The following AGBL1 variants were observed in gnomAD, a reference collection of about 807,000 sequenced individuals.
AGBL1 encodes AGBL carboxypeptidase 1.
In AGBL1, 130 loss-of-function variants were observed where a neutral mutation model predicts 118.9. That is an observed-to-expected ratio of 1.09 (90% CI 0.95 to 1.26). AGBL1 has a LOEUF of 1.26. AGBL1 is among the 50% of genes most tolerant of loss of function. The pLI is 0.00. For missense variants in AGBL1, 1,584 were observed against 1,298.1 expected, an observed-to-expected ratio of 1.22 and a Z score of -3.38; for synonymous variants, 555 against 478.9, an observed-to-expected ratio of 1.16 and a Z score of -2.08.
At position 86,914,505 on chromosome 15, in the gene AGBL1, C is replaced by A. The variant is rs966531794; in HGVS notation, c.*7211C>A. On this transcript the variant is annotated 3_prime_UTR_variant, in exon 23 of 23. Coordinates refer to ENST00000614907, the MANE Select transcript of AGBL1 (RefSeq NM_001386094.1). ...CTAACTCATGCTCCCTCCACTTCCC[C>A]AGAGGAGGTGAATATGAACCATAAC... 6.6e-6 allele frequency: 1 copy of A among 152,182 alleles called. No homozygotes were observed. The highest frequency in any genetic ancestry group is 2.4e-5 in the African/African-American group (1 of 41,440). The allele number at this position is 152,182 out of a possible 1,614,324, so 9.4% of individuals were successfully genotyped here. A position where few individuals can be genotyped will look rare whatever the true frequency, so the allele number is the denominator to read the frequency against.
At chr15:86,855,883 C>T (rs771543530) in intron 22 of AGBL1, among the ~76,000 whole-genome samples, 18 of 152,158 alleles carry the variant, frequency 1.2e-4, no homozygotes, top group Non-Finnish European at 2.2e-4. Context: ...TTCATCGTGT[C>T]GTCTTCTCTA....
Position 87,028,715 on chromosome 15 carries a change from G to A in AGBL1, c.3324-110G>A, listed in dbSNP as rs1007488823. ...ATGATTGTTTATAATCCATAGATGA[G>A]GAAAATGAATTTCGTATCTCTAAAA... On this transcript the variant is annotated intron_variant, in intron 24 of 24. Transcript: ENST00000441037. 9.7e-6 allele frequency: 9 copies of A among 928,664 alleles called. No individual in the cohort carries two copies. The Admixed American group carries it at 1.2e-4, about 13-fold the overall frequency. 57.5% of individuals were successfully genotyped at this position (928,664 alleles called of 1,614,324 possible).
At chr15:86,395,122 G>A (rs948597599) in intron 17 of AGBL1, among the ~76,000 whole-genome samples, 1 of 152,026 alleles carries the variant, frequency 6.6e-6, no homozygotes, top group African/African-American at 2.4e-5. Flanking sequence ...CTGACTCTAT[G>A]GTTGAGAATG....
rs36127489 is a variant in AGBL1, at chr15:86,410,807, GATATAT to G, written c.2555+13291_2555+13296del. ...AGAGGAAGAGACAAGGTCAAATGTA[GATATAT>G]ATATATATATATATATATATATATA... On this transcript the variant is annotated intron_variant, in intron 18 of 22. Coordinates refer to ENST00000614907, the MANE Select transcript of AGBL1 (RefSeq NM_001386094.1). Among the ~76,000 whole-genome samples the G allele has an allele frequency of 9.4e-3, 379 of 40,340 alleles. 8 individuals are homozygous for G. Among genetic ancestry groups the G allele is most frequent in the African/African-American group, 0.023 (234 of 10,006 alleles). The allele number at this position is 40,340 out of a possible 152,430, so 26.5% of individuals were successfully genotyped here. A position where few individuals can be genotyped will look rare whatever the true frequency, so the allele number is the denominator to read the frequency against.
chr15:87,011,320 T>G (rs1229606930), intron 24 of AGBL1, among the ~76,000 whole-genome samples: 1 of 151,796 alleles, frequency 6.6e-6, no homozygotes, highest in East Asian at 1.9e-4. Flanking sequence ...AACTAGGGAG[T>G]GAATAGAAAA....
chr15:86,822,236 AATGGGTTGTTCTTGATCACAC>A (rs2078951800), intron 22 of AGBL1, among the ~76,000 whole-genome samples: 1 of 152,312 alleles, frequency 6.6e-6, no homozygotes, highest in Admixed American at 6.5e-5. Context: ...AAGTTAGAGC[AATGGGTTGTTCTTGATCACAC>A]ATGATAGCCA....
At chr15:86,886,042 T>A (rs2141544022) in intron 22 of AGBL1, among the ~76,000 whole-genome samples, 1 of 152,318 alleles carries the variant, frequency 6.6e-6, no homozygotes, top group South Asian at 2.1e-4. Context: ...CATTGCTGAT[T>A]TTTTGGTTTT....
In AGBL1 at chr15:86,234,944, G is replaced by A. The variant is rs186647142; in HGVS notation, c.526+9993G>A. Among the ~76,000 whole-genome samples the A allele has an allele frequency of 2.6e-5, 4 of 152,242 alleles. No individual in the cohort carries two copies. In the East Asian group the frequency reaches 7.7e-4, roughly 29 times the overall value. On this transcript the variant is annotated intron_variant, in intron 6 of 22. Coordinates refer to ENST00000614907, the MANE Select transcript of AGBL1 (RefSeq NM_001386094.1). ...CTTCCCCGAGGGTTGAATGATATCTGGTTGTTTTTAGAGTCTGTCTTTTTT... is the reference window on the plus strand; with the variant it reads ...CTTCCCCGAGGGTTGAATGATATCTAGTTGTTTTTAGAGTCTGTCTTTTTT...
intron 22 of AGBL1, among the ~76,000 whole-genome samples, chr15:86,732,980 C>T (rs1421727979): frequency 6.7e-6 from 1 of 148,690 alleles, no homozygotes; most frequent in Non-Finnish European, 1.5e-5. Context: ...TACATACATA[C>T]AGGAGATGGC....
At chr15:86,993,093 AAT>A (rs1329193425) in intron 24 of AGBL1, among the ~76,000 whole-genome samples, 2 of 152,344 alleles carry the variant, frequency 1.3e-5, no homozygotes, top group Admixed American at 6.5e-5. Flanking sequence ...AAAGTGATAT[AAT>A]ATTTGACATA....
At chr15:86,302,413 G>T (rs79474411) in intron 17 of AGBL1, among the ~76,000 whole-genome samples, 1 of 152,002 alleles carries the variant, frequency 6.6e-6, no homozygotes, top group African/African-American at 2.4e-5. Flanking sequence ...GCAGAGAAAT[G>T]GGGGCAATGT....
intron 1 of AGBL1, among the ~76,000 whole-genome samples, chr15:86,101,353 G>C (rs972011851): frequency 6.6e-6 from 1 of 151,890 alleles, no homozygotes; most frequent in Admixed American, 6.6e-5. Flanking sequence ...GAAATGGTCT[G>C]TAAATGTCTG....
intron 1 of AGBL1, among the ~76,000 whole-genome samples, chr15:86,126,371 A>T (rs993194941): frequency 7.2e-5 from 11 of 152,190 alleles, no homozygotes; most frequent in African/African-American, 2.7e-4. Flanking sequence ...AATTATTGAC[A>T]ACCAAGAATC....
At chr15:86,935,445 G>A (rs911894289) in intron 23 of AGBL1, among the ~76,000 whole-genome samples, 3 of 152,202 alleles carry the variant, frequency 2.0e-5, no homozygotes, top group African/African-American at 4.8e-5. Context: ...TCTAGGCTAG[G>A]AGGCAAGCCA....
At chr15:87,021,470 G>A (rs921917008) in intron 24 of AGBL1, among the ~76,000 whole-genome samples, 2 of 150,910 alleles carry the variant, frequency 1.3e-5, no homozygotes, top group African/African-American at 2.4e-5. Context: ...AAAAGCAATT[G>A]CAACAGAAGC....
chr15:86,900,927 T>A (rs983071623), intron 22 of AGBL1, among the ~76,000 whole-genome samples: 4 of 152,210 alleles, frequency 2.6e-5, no homozygotes, highest in African/African-American at 9.6e-5. Flanking sequence ...GTGTCAATTT[T>A]ATACATGAAC....
chr15:86,338,037 A>T (rs12901119), intron 17 of AGBL1, among the ~76,000 whole-genome samples: 76,186 of 151,854 alleles, frequency 0.5, 20,300 homozygotes, highest in Non-Finnish European at 0.6. Context: ...TGAGTTTGCA[A>T]TCTAGTGAAG....
At chr15:86,706,439 C>G (rs1285434551) in intron 22 of AGBL1, among the ~76,000 whole-genome samples, 1 of 152,046 alleles carries the variant, frequency 6.6e-6, no homozygotes, top group Non-Finnish European at 1.5e-5. Flanking sequence ...AAATGCCAGT[C>G]TTTTGAGTTT....
chr15:86,365,503 A>T (rs183564490), intron 17 of AGBL1, among the ~76,000 whole-genome samples: 19 of 152,278 alleles, frequency 1.2e-4, no homozygotes, highest in African/African-American at 4.6e-4. Flanking sequence ...TGGAAAAATA[A>T]ATTGAAATTT....
Sources: gnomAD v4.1 joint callset for allele counts (sites outside exome capture counted in the v4.1 genomes callset) on GRCh38, gnomAD v4.1.1 for gene constraint, MANE v1.5 for transcripts, NCBI Gene and HGNC (gene_info 2026-07-23, HGNC 2026-07-21) for gene names.